DNM3: variants seen among roughly 807,000 people sequenced by gnomAD.
The protein encoded by DNM3 is dynamin 3.
Under a neutral mutation model 101.6 loss-of-function variants are expected in DNM3, and 47 were observed. The ratio of observed to expected loss-of-function variants is 0.46; its 90% CI spans 0.37 to 0.59. DNM3 has a LOEUF of 0.59. Ranked by LOEUF, DNM3 falls within the 20% of genes least tolerant of loss-of-function variation. The probability of loss-of-function intolerance (pLI) is 0.00; values close to 1 mark genes in which losing one functional copy is unlikely to be tolerated. For missense variants in DNM3, 849 were observed against 1,085.7 expected (o/e 0.78, Z 3.06); for synonymous variants, 385 against 387.9 (o/e 0.99, Z 0.09).
At chr1:171,907,930 A>G (rs1480386672) in intron 1 of DNM3, among the ~76,000 whole-genome samples, 1 of 152,168 alleles carries the variant, frequency 6.6e-6, no homozygotes, top group Non-Finnish European at 1.5e-5. Context: ...AAAAACATAT[A>G]CTTATAAGTA....
chr1:172,127,531 C>T (rs188645313), intron 13 of DNM3, among the ~76,000 whole-genome samples: 160 of 151,738 alleles, frequency 1.1e-3, no homozygotes, highest in African/African-American at 3.5e-3. Flanking sequence ...ACCTCAGCCT[C>T]CCAAGTAGCT....
intron 14 of DNM3, among the ~76,000 whole-genome samples, chr1:172,161,161 C>T (rs912296871): frequency 3.3e-5 from 5 of 150,392 alleles, no homozygotes; most frequent in African/African-American, 7.3e-5. Context: ...TGGATTAGGC[C>T]GTGGTTTTCA....
intron 2 of DNM3, among the ~76,000 whole-genome samples, chr1:171,964,497 C>G (rs2043435245): frequency 6.6e-6 from 1 of 152,136 alleles, no homozygotes; most frequent in Non-Finnish European, 1.5e-5. Context: ...GTACATCTTA[C>G]ATGTACCGAT....
intron 15 of DNM3, among the ~76,000 whole-genome samples, chr1:172,279,495 C>T (rs564957853): frequency 4.7e-4 from 72 of 152,210 alleles, no homozygotes; most frequent in African/African-American, 1.7e-3. Context: ...ATGTTAAGTG[C>T]GCTTGTTCCA....
At chr1:172,167,715 C>G (rs1408561281) in intron 14 of DNM3, among the ~76,000 whole-genome samples, 4 of 151,742 alleles carry the variant, frequency 2.6e-5, no homozygotes, top group African/African-American at 9.7e-5. Flanking sequence ...CATTTTTTTT[C>G]CATATAATTG....
intron 14 of DNM3, among the ~76,000 whole-genome samples, chr1:172,150,478 T>C (rs961248987): frequency 3.9e-5 from 6 of 152,200 alleles, no homozygotes; most frequent in Non-Finnish European, 1.5e-5. Flanking sequence ...TATACTGTTT[T>C]CTGAATTTAG....
chr1:172,369,966 C>T (rs1298779318), intron 17 of DNM3, among the ~76,000 whole-genome samples: 1 of 151,860 alleles, frequency 6.6e-6, no homozygotes, highest in African/African-American at 2.4e-5. Context: ...CATATTGCCT[C>T]TTGTTATAAG....
At chr1:172,137,315 A>G (rs753563387) in intron 14 of DNM3, 3 of 152,142 alleles carry the variant, frequency 2.0e-5, no homozygotes, top group Non-Finnish European at 4.4e-5. Flanking sequence ...TAGTAATGGG[A>G]CTTTTATTTA....
At chr1:172,200,554 T>C (rs1056076165) in intron 14 of DNM3, among the ~76,000 whole-genome samples, 2 of 152,232 alleles carry the variant, frequency 1.3e-5, no homozygotes, top group Non-Finnish European at 2.9e-5. Flanking sequence ...GATTTGTAGA[T>C]TTGGCATCTT....
chr1:171,977,600 C>T (rs2044475642), intron 2 of DNM3, among the ~76,000 whole-genome samples: 1 of 152,208 alleles, frequency 6.6e-6, no homozygotes, highest in Non-Finnish European at 1.5e-5. Flanking sequence ...TATACGGTTT[C>T]CTACATCCTT....
At chr1:172,070,331 C>T (rs763417853) in intron 11 of DNM3, among the ~76,000 whole-genome samples, 4 of 152,036 alleles carry the variant, frequency 2.6e-5, no homozygotes, top group South Asian at 2.1e-4. Context: ...ATGTCTTGGC[C>T]CCTCCTGGGC....
chr1:172,126,709 C>T (rs915810020), intron 13 of DNM3, among the ~76,000 whole-genome samples: 13 of 151,662 alleles, frequency 8.6e-5, no homozygotes, highest in South Asian at 8.3e-4. Flanking sequence ...TTCGTTTACA[C>T]GGTACCTGCT....
Position 172,325,289 on chromosome 1 carries a change from G to A in DNM3, c.1893+1949G>A, listed in dbSNP as rs72721201. On this transcript the variant is annotated intron_variant, in intron 17 of 20. Coordinates refer to ENST00000627582, the MANE Select transcript of DNM3 (RefSeq NM_015569.5). ...TCACCAACTGTATCTGAACGCTTGC[G>A]CATGTGCTATGAGGACAGCTTTGGG... Among the ~76,000 whole-genome samples the A allele has an allele frequency of 1.3e-3, 197 of 152,234 alleles. 2 individuals are homozygous for A. The highest frequency in any genetic ancestry group is 2.3e-3 in the Non-Finnish European group (156 of 68,012).
intron 14 of DNM3, among the ~76,000 whole-genome samples, chr1:172,225,647 T>G (rs1222616788): frequency 6.6e-6 from 1 of 152,046 alleles, no homozygotes. Flanking sequence ...AACAAGTTGG[T>G]AACATGTTGA....
intron 13 of DNM3, among the ~76,000 whole-genome samples, chr1:172,103,294 C>G (rs1485638532): frequency 2.0e-5 from 3 of 152,096 alleles, no homozygotes; most frequent in African/African-American, 7.2e-5. Flanking sequence ...TAAACTCTAC[C>G]AAGGCAAGGA....
chr1:171,968,051 C>T (rs2043716321), intron 2 of DNM3, among the ~76,000 whole-genome samples: 1 of 152,162 alleles, frequency 6.6e-6, no homozygotes, highest in East Asian at 1.9e-4. Flanking sequence ...CCCTCTGCCA[C>T]TACAACTTAA....
In DNM3 at chr1:172,387,345, A is replaced by G. The variant is rs1199426134; in HGVS notation, c.2271A>G (p.Ile757Met). 3 of 1,613,362 alleles carry G rather than the reference A, an allele frequency of 1.9e-6. No individual in the cohort carries two copies. The highest frequency in any genetic ancestry group is 2.2e-5 in the South Asian group (2 of 91,032). ...CCCCTCCAGTGGATGACTCCTGGAT[A>G]CAGCACTCTCGCAGGTAAGAAGATG... Reference protein sequence around the residue: ...PAPPPVDDSWIQHSRRSPPPS... With the variant: ...PAPPPVDDSWMQHSRRSPPPS... The change falls in exon 19 of 21, where the codon ATA (isoleucine) becomes ATG (methionine). Residue 757 changes from isoleucine to methionine, a missense_variant. By Grantham distance (10) the Ile-to-Met change is conservative (BLOSUM62 1). Coordinates refer to ENST00000627582, the MANE Select transcript of DNM3 (RefSeq NM_015569.5).
At chr1:172,131,802 T>C in intron 14 of DNM3, 2 of 400,372 alleles carry the variant, frequency 5.0e-6, no homozygotes, top group Non-Finnish European at 4.9e-6. Flanking sequence ...AATTTTGTTC[T>C]TTGAGAATTT....
chr1:172,081,492 T>G (rs953517725), intron 11 of DNM3, among the ~76,000 whole-genome samples: 3 of 152,198 alleles, frequency 2.0e-5, no homozygotes, highest in African/African-American at 7.2e-5. Context: ...CCACACATCT[T>G]ATTTGTGCTT....
Sources: gnomAD v4.1 joint callset for allele counts (sites outside exome capture counted in the v4.1 genomes callset) on GRCh38, gnomAD v4.1.1 for gene constraint, MANE v1.5 for transcripts, NCBI Gene and HGNC (gene_info 2026-07-23, HGNC 2026-07-21) for gene names.